Variants in CLEC19A observed in about 807,000 individuals in gnomAD.
The protein encoded by CLEC19A is C-type lectin domain containing 19A.
Under a neutral mutation model 26.1 loss-of-function variants are expected in CLEC19A, and 21 were observed. That is an observed-to-expected ratio of 0.80 (90% CI 0.57 to 1.16). The LOEUF (loss-of-function observed/expected upper bound fraction) is 1.16. Ranked by LOEUF, CLEC19A falls within the 50% of genes most tolerant of loss-of-function variation. The probability of loss-of-function intolerance (pLI) is 0.00; values close to 1 mark genes in which losing one functional copy is unlikely to be tolerated. For missense variants in CLEC19A, 224 were observed against 227.6 expected, an observed-to-expected ratio of 0.98 and a Z score of 0.10; for synonymous variants, 89 against 88.6, an observed-to-expected ratio of 1.00 and a Z score of -0.03.
intron 2 of CLEC19A, among the ~76,000 whole-genome samples, chr16:19,301,072 G>A (rs568242685): frequency 6.6e-6 from 1 of 152,332 alleles, no homozygotes; most frequent in South Asian, 2.1e-4. Context: ...TGTAAAGACA[G>A]AAGACATCAA....
At chr16:19,301,647 T>A (rs1336831741) in intron 2 of CLEC19A, among the ~76,000 whole-genome samples, 1 of 148,900 alleles carries the variant, frequency 6.7e-6, no homozygotes, top group Non-Finnish European at 1.5e-5. Context: ...CACTGCAACC[T>A]CCGCCTCCTG....
At chr16:19,299,166 A>G (rs1353699522) in intron 2 of CLEC19A, among the ~76,000 whole-genome samples, 1 of 152,250 alleles carries the variant, frequency 6.6e-6, no homozygotes, top group Non-Finnish European at 1.5e-5. Flanking sequence ...ATAGCATGCC[A>G]GAAGATCCAC....
At chr16:19,290,072 G>A (rs1026595124) in intron 1 of CLEC19A, among the ~76,000 whole-genome samples, 2 of 152,094 alleles carry the variant, frequency 1.3e-5, no homozygotes, top group African/African-American at 4.8e-5. Flanking sequence ...CTGGATTGGG[G>A]CCAGGGGAGC....
intron 1 of CLEC19A, among the ~76,000 whole-genome samples, chr16:19,289,693 G>A (rs552587244): frequency 1.2e-4 from 18 of 152,324 alleles, no homozygotes; most frequent in Admixed American, 3.9e-4. Flanking sequence ...AGCAATATAA[G>A]AAATTGTCTA....
intron 1 of CLEC19A, among the ~76,000 whole-genome samples, chr16:19,293,604 A>C (rs1296029627): frequency 2.0e-5 from 3 of 152,068 alleles, no homozygotes; most frequent in Non-Finnish European, 2.9e-5. Flanking sequence ...CTGGGACTAC[A>C]AGCACATGCC....
At chr16:19,300,585 T>C (rs1260569249) in intron 2 of CLEC19A, among the ~76,000 whole-genome samples, 1 of 151,736 alleles carries the variant, frequency 6.6e-6, no homozygotes, top group Admixed American at 6.6e-5. Context: ...TATTTTATCT[T>C]AGTTTCCAAA....
At chr16:19,303,236 T>C (rs1439481133) in intron 2 of CLEC19A, among the ~76,000 whole-genome samples, 2 of 152,258 alleles carry the variant, frequency 1.3e-5, no homozygotes, top group African/African-American at 4.8e-5. Flanking sequence ...TGTTCATTTC[T>C]CTACCTCTCT....
chr16:19,306,214 C>T (rs1249185275), intron 3 of CLEC19A, among the ~76,000 whole-genome samples: 3 of 150,662 alleles, frequency 2.0e-5, no homozygotes, highest in Admixed American at 6.6e-5. Context: ...GGTGCAATCA[C>T]AGCTCACCGC....
At position 19,308,987 on chromosome 16, in the gene CLEC19A, G is replaced by A. The variant is rs1306959083; in HGVS notation, c.482-17G>A. ...GGATGGATTTTCACCCAGATTCTCT[G>A]CTTCTTTCCATCACAGCTCTGAGGT... On this transcript the variant is annotated splice_polypyrimidine_tract_variant and intron_variant, in intron 4 of 4. Coordinates refer to ENST00000636231, the MANE Select transcript of CLEC19A (RefSeq NM_001256720.2). 6 of 1,546,662 alleles carry A rather than the reference G, an allele frequency of 3.9e-6. No individual in the cohort carries two copies. In the Admixed American group the frequency reaches 7.8e-5, roughly 20 times the overall value.
At chr16:19,296,742 A>T (rs943906366) in intron 1 of CLEC19A, among the ~76,000 whole-genome samples, 1 of 152,184 alleles carries the variant, frequency 6.6e-6, no homozygotes, top group Non-Finnish European at 1.5e-5. Flanking sequence ...CAAATGCTCA[A>T]TGAATGCTGT....
intron 1 of CLEC19A, among the ~76,000 whole-genome samples, chr16:19,288,059 T>C (rs1897509520): frequency 6.6e-6 from 1 of 152,118 alleles, no homozygotes; most frequent in Non-Finnish European, 1.5e-5. Flanking sequence ...AATGGAAGGA[T>C]GGGTCTTAAA....
At chr16:19,305,521 G>A (rs1016286359) in intron 3 of CLEC19A, among the ~76,000 whole-genome samples, 4 of 152,110 alleles carry the variant, frequency 2.6e-5, no homozygotes, top group Non-Finnish European at 2.9e-5. Flanking sequence ...TCTATTTTGC[G>A]TGTATGCTTC....
rs1006681205 is a variant in CLEC19A at position 19,309,815 on chromosome 16, T to C, written c.*732T>C. On this transcript the variant is annotated 3_prime_UTR_variant, in exon 5 of 5. Coordinates refer to ENST00000636231, the MANE Select transcript of CLEC19A (RefSeq NM_001256720.2). ...CCACATCTAGCTAACTTTTGTATTT[T>C]TTTTTTTAAATAGAGACGAGGTTTC... 3.3e-5 allele frequency: 5 copies of C among 152,010 alleles called. No individual in the cohort carries two copies. Among genetic ancestry groups the C allele is most frequent in the African/African-American group, 9.7e-5 (4 of 41,380 alleles). 9.4% of individuals were successfully genotyped at this position (152,010 alleles called of 1,614,324 possible). A position where few individuals can be genotyped will look rare whatever the true frequency, so the allele number is the denominator to read the frequency against.
At chr16:19,297,961 C>G (rs1897738506) in intron 1 of CLEC19A, among the ~76,000 whole-genome samples, 1 of 152,050 alleles carries the variant, frequency 6.6e-6, no homozygotes, top group Admixed American at 6.6e-5. Context: ...AAAGTATGTA[C>G]AGGTGGCCGG....
rs1164436419 is a variant in CLEC19A, at chr16:19,285,872, GGCTGCAGCCTTCCTGACCCTCCACTCT to G, written c.24_50del (p.Ala9_Ala17del). Reference sequence around the variant, plus strand: ...TCAGGATGCAAAGGTGGACACTGTGGGCTGCAGCCTTCCTGACCCTCCACTCTGCACAGGCCTTTCCACAAACAGACA... The same window carrying G: ...TCAGGATGCAAAGGTGGACACTGTGGGCACAGGCCTTTCCACAAACAGACA... On this transcript the variant is annotated inframe_deletion, in exon 1 of 5. Transcript: ENST00000636231. The G allele has an allele frequency of 6.4e-7, 1 of 1,550,544 alleles. No homozygotes were observed. The highest frequency in any genetic ancestry group is 2.0e-5 in the Admixed American group (1 of 50,988).
chr16:19,307,672 C>A lies in CLEC19A; in HGVS notation c.476C>A (p.Thr159Asn). Residue 159 changes from threonine to asparagine, a missense_variant, in exon 4 of 5, where the codon ACC (threonine) becomes AAC (asparagine). By Grantham distance (65) the Thr-to-Asn change is moderately conservative. Coordinates refer to ENST00000636231, the MANE Select transcript of CLEC19A (RefSeq NM_001256720.2). ...EDCVQIWYRP[T>N]SALRSWNDNT... ...TGCGTGCAGATATGGTACAGGCCTA[C>A]CAGTGGTGGGTACCCCTGAGACCAA... 6.5e-7 allele frequency: 1 copy of A among 1,548,166 alleles called. No homozygotes were observed. Among genetic ancestry groups the A allele is most frequent in the Non-Finnish European group, 8.7e-7 (1 of 1,146,764 alleles).
rs562681434 is a variant in CLEC19A at position 19,309,280 on chromosome 16, A to T, written c.*197A>T. On this transcript the variant is annotated 3_prime_UTR_variant, in exon 5 of 5. Transcript: ENST00000636231. ...AGGAAAGCCAGCTCAAATTGGCTTA[A>T]TTTTTTAAAGTGTTTTTTTTTTTAA... 2.5e-4 allele frequency: 125 copies of T among 505,828 alleles called. 1 individual carries two copies. Among genetic ancestry groups the T allele is most frequent in the African/African-American group, 2.4e-3 (119 of 49,480 alleles). 31.3% of individuals were successfully genotyped at this position (505,828 alleles called of 1,614,324 possible).
intron 1 of CLEC19A, among the ~76,000 whole-genome samples, chr16:19,290,067 T>C (rs1415383346): frequency 1.3e-5 from 2 of 152,042 alleles, no homozygotes; most frequent in African/African-American, 4.8e-5. Flanking sequence ...GGCGGCTGGA[T>C]TGGGGCCAGG....
chr16:19,307,552 A>G lies in CLEC19A; in HGVS notation c.356A>G (p.Gln119Arg). The G allele has an allele frequency of 6.5e-7, 1 of 1,548,128 alleles. No homozygotes were observed. Among genetic ancestry groups the G allele is most frequent in the African/African-American group, 1.4e-5 (1 of 73,086 alleles). Residue 119 changes from glutamine (Q) to arginine (R), a missense_variant, in exon 4 of 5, where the codon CAG becomes CGG. Gln to Arg is a conservative substitution (Grantham distance 43). Transcript: ENST00000636231. ...TGLHDHRQEG[Q>R]FEWTDGSSYD... ...TGGGTGGAACCCTCCCAGGAAGGGC[A>G]GTTTGAATGGACTGATGGCTCATCC...
Sources: allele counts gnomAD v4.1 joint callset (sites outside exome capture counted in the v4.1 genomes callset), GRCh38; gene constraint gnomAD v4.1.1; transcripts MANE v1.5; gene names NCBI Gene and HGNC (gene_info 2026-07-23, HGNC 2026-07-21).